USP38: variants seen among roughly 807,000 people sequenced by gnomAD.
USP38 encodes the protein ubiquitin specific peptidase 38.
Under a neutral mutation model 94.3 loss-of-function variants are expected in USP38, and 49 were observed. The ratio of observed to expected loss-of-function variants is 0.52; its 90% CI spans 0.41 to 0.66. The LOEUF (loss-of-function observed/expected upper bound fraction) is 0.66, where lower values mean the gene tolerates loss of function less well. Ranked by LOEUF, USP38 falls within the 30% of genes least tolerant of loss-of-function variation. The pLI is 0.00. For synonymous variants in USP38, 468 were observed against 463.6 expected, an observed-to-expected ratio of 1.01 and a Z score of -0.12; for missense variants, 1,128 against 1,229.4, an observed-to-expected ratio of 0.92 and a Z score of 1.23.
chr4:143,199,460 C>G (rs1204647687), intron 4 of USP38, among the ~76,000 whole-genome samples: 4 of 152,056 alleles, frequency 2.6e-5, no homozygotes, highest in Admixed American at 2.6e-4. Context: ...GTGCATGTAT[C>G]TTTATGGTAG....
At chr4:143,205,493 A>C (rs759713443) in intron 5 of USP38, among the ~76,000 whole-genome samples, 3 of 152,084 alleles carry the variant, frequency 2.0e-5, no homozygotes, top group Non-Finnish European at 2.9e-5. Flanking sequence ...ATTAAGTTTT[A>C]TTTTTCTTAA....
chr4:143,186,095 T>C lies in USP38; in HGVS notation c.645T>C (p.Pro215=). The C allele has an allele frequency of 6.2e-7, 1 of 1,614,170 alleles. No homozygotes were observed. The highest frequency in any genetic ancestry group is 2.2e-5 in the East Asian group (1 of 44,876). The change falls in exon 1 of 10, where the codon CCT becomes CCC. Residue 215 remains proline, a synonymous_variant. Coordinates refer to ENST00000307017, the MANE Select transcript of USP38 (RefSeq NM_032557.6). Reference sequence around the variant, plus strand: ...AGGCCGAGCCTGCCACACTACTGCCTTCCCTGCAAGAAGTTTTTGCAAGCA... The same window carrying C: ...AGGCCGAGCCTGCCACACTACTGCCCTCCCTGCAAGAAGTTTTTGCAAGCA... ...IWKAEPATLL[P]SLQEVFASIS...
Position 143,212,386 on chromosome 4 carries a change from G to A in USP38, c.1566G>A (p.Gln522=). ...SRPPWFTPRS[Q]QDCSEYLRFL... Reference sequence around the variant, plus strand: ...CTCCATGGTTTACTCCCAGATCACAGCAAGACTGTTCTGAATACCTCAGAT... The same window carrying A: ...CTCCATGGTTTACTCCCAGATCACAACAAGACTGTTCTGAATACCTCAGAT... Residue 522 remains glutamine (Q), a synonymous_variant, in exon 8 of 10, where the codon CAG becomes CAA. Coordinates refer to ENST00000307017, the MANE Select transcript of USP38 (RefSeq NM_032557.6). 6.2e-7 allele frequency: 1 copy of A among 1,610,850 alleles called. No homozygotes were observed. The highest frequency in any genetic ancestry group is 8.5e-7 in the Non-Finnish European group (1 of 1,178,408).
intron 9 of USP38, among the ~76,000 whole-genome samples, chr4:143,217,215 C>T (rs553392261): frequency 6.6e-6 from 1 of 152,220 alleles, no homozygotes; most frequent in South Asian, 2.1e-4. Context: ...TAAAAGACTA[C>T]GTTCTTTATT....
At chr4:143,198,838 T>C (rs1301303651) in intron 4 of USP38, among the ~76,000 whole-genome samples, 1 of 152,120 alleles carries the variant, frequency 6.6e-6, no homozygotes, top group Non-Finnish European at 1.5e-5. Context: ...AGTAACCTTA[T>C]ATATATGTAT....
At chr4:143,195,895 A>G (rs773560251) in intron 3 of USP38, 50 bp downstream of exon 3, 8 of 1,489,538 alleles carry the variant, frequency 5.4e-6, no homozygotes, top group South Asian at 1.4e-5. Flanking sequence ...CATAAAATCA[A>G]TATTTTTTTC....
chr4:143,208,603 A>G (rs1561245067), intron 6 of USP38, among the ~76,000 whole-genome samples: 3 of 151,654 alleles, frequency 2.0e-5, no homozygotes. Context: ...TTCTTTATTC[A>G]TTTGTGTTTC....
Position 143,213,888 on chromosome 4 carries a change from C to T in USP38, c.1912C>T (p.Pro638Ser). The change falls in exon 9 of 10, where the codon CCC (proline) becomes TCC (serine). Residue 638 changes from proline (P) to serine (S), a missense_variant. Pro to Ser is a moderately conservative substitution (Grantham distance 74, BLOSUM62 -1). Transcript: ENST00000307017. ...GTCTGTCCAAGATCCAGCATCATCACCCAGTATACAAGATGGTGGTCTAAT... is the reference window on the plus strand; with the variant it reads ...GTCTGTCCAAGATCCAGCATCATCATCCAGTATACAAGATGGTGGTCTAAT... ...NMSVQDPASS[P>S]SIQDGGLMQA... 1 of 1,613,842 alleles carries T rather than the reference C, an allele frequency of 6.2e-7. No individual in the cohort carries two copies.
At chr4:143,191,660 C>A (rs1399179049) in intron 2 of USP38, among the ~76,000 whole-genome samples, 3 of 152,146 alleles carry the variant, frequency 2.0e-5, no homozygotes, top group African/African-American at 7.2e-5. Flanking sequence ...CTTTATTTAA[C>A]AAATTTGAGT....
intron 9 of USP38, 67 bp from the exon 10 acceptor site, chr4:143,220,228 C>T: frequency 7.0e-7 from 1 of 1,433,406 alleles, no homozygotes; most frequent in Non-Finnish European, 9.3e-7. Context: ...TAAAATATTT[C>T]TATAGGTGAT....
At chr4:143,213,046 A>G (rs1732070320) in intron 8 of USP38, among the ~76,000 whole-genome samples, 1 of 152,136 alleles carries the variant, frequency 6.6e-6, no homozygotes, top group South Asian at 2.1e-4. Flanking sequence ...GGGTCCTGGC[A>G]CCAAAAAATT....
intron 3 of USP38, among the ~76,000 whole-genome samples, chr4:143,197,456 T>G (rs1371934470): frequency 6.6e-6 from 1 of 152,242 alleles, no homozygotes; most frequent in East Asian, 1.9e-4. Context: ...TTTTGTTTTT[T>G]TAATCCACTG....
intron 7 of USP38, among the ~76,000 whole-genome samples, chr4:143,210,031 T>C (rs1184596370): frequency 6.6e-6 from 1 of 152,198 alleles, no homozygotes; most frequent in Admixed American, 6.5e-5. Context: ...ATTTGTACAA[T>C]AATGAGCAAA....
In USP38 at chr4:143,213,800, A is replaced by G. The variant is rs1193351888; in HGVS notation, c.1824A>G (p.Gln608=). 2 of 1,613,684 alleles carry G rather than the reference A, an allele frequency of 1.2e-6. No individual in the cohort carries two copies. The highest frequency in any genetic ancestry group is 1.7e-6 in the Non-Finnish European group (2 of 1,179,846). ...IRCLNCRSTS[Q]KVEAFTDLSL... is the part of the protein sequence containing the mutation. ...GTTTGAACTGCAGGAGTACCTCACAAAAAGTGGAAGCCTTTACAGATCTTT... is the reference window on the plus strand; with the variant it reads ...GTTTGAACTGCAGGAGTACCTCACAGAAAGTGGAAGCCTTTACAGATCTTT... Residue 608 remains glutamine (Q), a synonymous_variant, in exon 9 of 10, where the codon CAA becomes CAG. Coordinates refer to ENST00000307017, the MANE Select transcript of USP38 (RefSeq NM_032557.6).
In USP38 at chr4:143,197,943, G is replaced by C. The variant is rs768776146; in HGVS notation, c.1050+19G>C. The C allele has an allele frequency of 6.5e-7, 1 of 1,544,248 alleles. No individual in the cohort carries two copies. Among genetic ancestry groups the C allele is most frequent in the Non-Finnish European group, 8.8e-7 (1 of 1,135,252 alleles). On this transcript the variant is annotated intron_variant, in intron 4 of 9. Coordinates refer to ENST00000307017, the MANE Select transcript of USP38 (RefSeq NM_032557.6). ...CCATTTGGTAAGTTATGACATAAAC[G>C]TTCTACTTTGAAAAAGCCTCAATTT... is the stretch of plus-strand genomic sequence containing the variant.
chr4:143,188,103 G>A, intron 2 of USP38, 142 bp downstream of exon 2: 3 of 1,095,790 alleles, frequency 2.7e-6, no homozygotes, highest in Non-Finnish European at 2.5e-6. Context: ...CAAATAGATT[G>A]GAATTGTTTA....
At chr4:143,189,167 A>G (rs1731321641) in intron 2 of USP38, among the ~76,000 whole-genome samples, 1 of 152,056 alleles carries the variant, frequency 6.6e-6, no homozygotes, top group South Asian at 2.1e-4. Flanking sequence ...AAGGATGTGA[A>G]GTAGCAAACC....
chr4:143,201,090 A>G (rs1731702711), intron 4 of USP38, among the ~76,000 whole-genome samples: 1 of 152,230 alleles, frequency 6.6e-6, no homozygotes, highest in African/African-American at 2.4e-5. Flanking sequence ...AGCAAAAAGA[A>G]CAAAGCTGGA....
At chr4:143,209,801 A>G in intron 7 of USP38, 144 bp downstream of exon 7, 1 of 525,284 alleles carries the variant, frequency 1.9e-6, no homozygotes, top group Non-Finnish European at 3.2e-6. Context: ...AGAAATGCTA[A>G]AGAGATCCTG....
Sources: allele counts gnomAD v4.1 joint callset (sites outside exome capture counted in the v4.1 genomes callset), GRCh38; gene constraint gnomAD v4.1.1; transcripts MANE v1.5; gene names NCBI Gene and HGNC (gene_info 2026-07-23, HGNC 2026-07-21).